CACNA1C: variants seen among roughly 807,000 people sequenced by gnomAD.
CACNA1C encodes voltage-dependent L-type calcium channel subunit alpha-1C.
CACNA1C carries 30 observed loss-of-function variants against 229.0 expected under a neutral mutation model. The ratio of observed to expected loss-of-function variants is 0.13; its 90% confidence interval spans 0.10 to 0.18. The LOEUF is 0.18. Among genes scored for constraint, CACNA1C ranks in the 10% least tolerant of loss-of-function variants. CACNA1C has a pLI of 1.00. For synonymous variants in CACNA1C, 1,114 were observed against 1,132.5 expected, an observed-to-expected ratio of 0.98 and a Z score of 0.33; for missense variants, 1,658 against 2,845.0, an observed-to-expected ratio of 0.58 and a Z score of 9.49.
At chr12:2,111,070 C>G (rs1201728949) in intron 1 of CACNA1C, among the ~76,000 whole-genome samples, 4 of 152,052 alleles carry the variant, frequency 2.6e-5, no homozygotes, top group Admixed American at 2.0e-4. Context: ...TGTCATGGGA[C>G]CGCAGCAATG....
At chr12:2,408,935 C>T (rs1350017317) in intron 3 of CACNA1C, among the ~76,000 whole-genome samples, 1 of 152,230 alleles carries the variant, frequency 6.6e-6, no homozygotes, top group African/African-American at 2.4e-5. Context: ...TTGCCATCCT[C>T]CGTGACATCC....
chr12:2,499,199 G>A (rs764902100), intron 7 of CACNA1C, among the ~76,000 whole-genome samples: 5 of 152,148 alleles, frequency 3.3e-5, no homozygotes, highest in African/African-American at 9.7e-5. Context: ...TCTGAAAGCC[G>A]CAGGTTGATG....
chr12:2,351,992 C>T (rs2097214964), intron 3 of CACNA1C, among the ~76,000 whole-genome samples: 1 of 152,188 alleles, frequency 6.6e-6, no homozygotes, highest in Non-Finnish European at 1.5e-5. Flanking sequence ...AGTAACCTGC[C>T]CTGTTATCTG....
intron 1 of CACNA1C, among the ~76,000 whole-genome samples, chr12:2,017,701 A>AT (rs2045634808): frequency 6.7e-6 from 1 of 149,256 alleles, no homozygotes; most frequent in Admixed American, 6.6e-5. Context: ...TGATAAAAAT[A>AT]TTTTTACTAT....
rs182670325 is a variant in CACNA1C, at chr12:2,643,649, C to T, written c.3913-4826C>T. ...AGTGGCTCCAAGATTCAGCACCTCC[C>T]GACTCCTCCTGAGATGTGCATTTCT... is the stretch of plus-strand genomic sequence containing the variant. On this transcript the variant is annotated intron_variant, in intron 30 of 46. Transcript: ENST00000399655. Among the ~76,000 whole-genome samples the T allele has an allele frequency of 9.2e-5, 14 of 152,304 alleles. No homozygotes were observed. In the East Asian group the frequency reaches 2.1e-3, roughly 23 times the overall value.
rs77234748 is a variant in CACNA1C at position 2,502,275 on chromosome 12, G to A, written c.1114-2567G>A. ...AGGTTCACTCATTCACTCAAAGAGC[G>A]TTAGCTGAGGACCTACTATGTGCGA... is the stretch of plus-strand genomic sequence containing the variant. On this transcript the variant is annotated intron_variant, in intron 7 of 46. Coordinates refer to ENST00000399655, the MANE Select transcript of CACNA1C (RefSeq NM_000719.7). Among the ~76,000 whole-genome samples the A allele has an allele frequency of 2.6e-5, 4 of 152,360 alleles. No homozygotes were observed. In the East Asian group the frequency reaches 5.8e-4, roughly 22 times the overall value.
At chr12:2,336,652 G>A (rs2096705736) in intron 3 of CACNA1C, among the ~76,000 whole-genome samples, 1 of 152,178 alleles carries the variant, frequency 6.6e-6, no homozygotes, top group Non-Finnish European at 1.5e-5. Context: ...AAGGCTCTTT[G>A]CCTGTCCCCG....
At chr12:2,564,076 C>T (rs2048950789) in intron 11 of CACNA1C, among the ~76,000 whole-genome samples, 1 of 152,206 alleles carries the variant, frequency 6.6e-6, no homozygotes, top group South Asian at 2.1e-4. Flanking sequence ...TGGAGGACCT[C>T]ATTTCAGCTT....
At chr12:2,088,115 G>A (rs951930790) in intron 1 of CACNA1C, among the ~76,000 whole-genome samples, 2 of 152,176 alleles carry the variant, frequency 1.3e-5, no homozygotes, top group Non-Finnish European at 2.9e-5. Flanking sequence ...TTTCTAACAC[G>A]CTTCAGAATA....
intron 3 of CACNA1C, among the ~76,000 whole-genome samples, chr12:2,400,393 C>T (rs2098660752): frequency 6.6e-6 from 1 of 152,208 alleles, no homozygotes; most frequent in African/African-American, 2.4e-5. Flanking sequence ...GTGCCCATAA[C>T]TGACTCCATC....
At chr12:2,685,710 C>T in intron 43 of CACNA1C, 26 bp from the exon 44 acceptor site, 2 of 1,584,754 alleles carry the variant, frequency 1.3e-6, no homozygotes, top group South Asian at 1.1e-5. Flanking sequence ...CCTCCAGGAA[C>T]AAGCCCCATG....
At chr12:2,115,772 A>G (rs1321337199) in intron 2 of CACNA1C, among the ~76,000 whole-genome samples, 4 of 152,254 alleles carry the variant, frequency 2.6e-5, no homozygotes, top group Admixed American at 1.3e-4. Flanking sequence ...ATCTGCTTGT[A>G]TAATAAGCTG....
intron 3 of CACNA1C, among the ~76,000 whole-genome samples, chr12:2,247,604 G>A (rs541825357): frequency 7.4e-4 from 112 of 152,290 alleles, no homozygotes; most frequent in African/African-American, 2.0e-3. Flanking sequence ...GGGCAGCCAC[G>A]GCGAAATCTA....
intron 3 of CACNA1C, among the ~76,000 whole-genome samples, chr12:2,267,820 C>T (rs2082982779): frequency 6.6e-6 from 1 of 152,180 alleles, no homozygotes; most frequent in Non-Finnish European, 1.5e-5. Context: ...CCCTGTGGCA[C>T]ATCTGGGAGG....
intron 5 of CACNA1C, among the ~76,000 whole-genome samples, chr12:2,461,450 G>T (rs2099501228): frequency 6.6e-6 from 1 of 152,052 alleles, no homozygotes; most frequent in South Asian, 2.1e-4. Context: ...TCCTCTGTCT[G>T]TACTCACTCC....
chr12:2,474,756 C>CA (rs34963749), intron 5 of CACNA1C, among the ~76,000 whole-genome samples: 42,867 of 99,480 alleles, frequency 0.43, 8,292 homozygotes, highest in East Asian at 0.73. Flanking sequence ...AACTCCATCT[C>CA]AAAAAAAAAA....
At chr12:2,529,602 G>C (rs1414831706) in intron 9 of CACNA1C, among the ~76,000 whole-genome samples, 1 of 152,214 alleles carries the variant, frequency 6.6e-6, no homozygotes, top group Non-Finnish European at 1.5e-5. Flanking sequence ...CACTTTGTCA[G>C]ATCTAAAACG....
rs188178886 is a variant in CACNA1C at position 2,016,953 on chromosome 12, G to A, written c.139+45752G>A. On this transcript the variant is annotated intron_variant, in intron 1 of 46. Transcript: ENST00000682462. ...GGAAGCACTGGTTTAGAAGCTTCCT[G>A]TTCCTTAAGGATATAGCCAACTCTG... 5.5e-3 allele frequency among the ~76,000 whole-genome samples: 834 copies of A among 152,278 alleles called. 5 individuals are homozygous for A. The highest frequency in any genetic ancestry group is 0.018 in the African/African-American group (766 of 41,550).
chr12:2,668,950 C>T lies in CACNA1C; in HGVS notation c.4641C>T (p.Asn1547=), dbSNP rs202194703. The change falls in exon 38 of 47, where the codon AAC becomes AAT. Residue 1547 remains asparagine, a synonymous_variant. Coordinates refer to ENST00000399655, the MANE Select transcript of CACNA1C (RefSeq NM_000719.7). The part of the protein sequence containing the change: ...RVACKRLVSM[N]MPLNSDGTVM... Reference sequence around the variant, plus strand: ...GCCTGCAGCGCCTGGTCTCCATGAACATGCCTCTGAACAGCGACGGGACAG... The same window carrying T: ...GCCTGCAGCGCCTGGTCTCCATGAATATGCCTCTGAACAGCGACGGGACAG... 80 of 1,613,972 alleles carry T rather than the reference C, an allele frequency of 5.0e-5. 1 individual carries two copies. In the African/African-American group the frequency reaches 6.9e-4, roughly 14 times the overall value.
Sources: allele counts gnomAD v4.1 joint callset (sites outside exome capture counted in the v4.1 genomes callset), GRCh38; gene constraint gnomAD v4.1.1; transcripts MANE v1.5; gene names NCBI Gene and HGNC (gene_info 2026-07-23, HGNC 2026-07-21).